NUP50: variants seen among roughly 807,000 people sequenced by gnomAD.
The protein encoded by NUP50 is nuclear pore complex protein Nup50.
A neutral mutation model predicts 36.8 loss-of-function variants in NUP50; 14 were observed. That is an observed-to-expected ratio of 0.38 (90% CI 0.25 to 0.59). NUP50 has a LOEUF of 0.59. Among genes scored for constraint, NUP50 ranks in the 20% least tolerant of loss-of-function variants. The probability of loss-of-function intolerance (pLI) is 0.63; values close to 1 mark genes in which losing one functional copy is unlikely to be tolerated. For synonymous variants in NUP50, 195 were observed against 210.8 expected (o/e 0.93, Z 0.65); for missense variants, 455 against 564.6 (o/e 0.81, Z 1.97).
intron 1 of NUP50, among the ~76,000 whole-genome samples, chr22:45,167,895 C>T (rs545353033): frequency 6.6e-6 from 1 of 152,164 alleles, no homozygotes; most frequent in East Asian, 1.9e-4. Context: ...TTTAATTTTT[C>T]CAAATGGAGT....
intron 2 of NUP50, among the ~76,000 whole-genome samples, chr22:45,170,600 C>G (rs1377110559): frequency 6.6e-6 from 1 of 152,096 alleles, no homozygotes; most frequent in Non-Finnish European, 1.5e-5. Flanking sequence ...TTAGGGAAAC[C>G]AGAATCCCAA....
chr22:45,171,830 T>A (rs559769306), intron 3 of NUP50, 147 bp downstream of exon 3: 148 of 642,280 alleles, frequency 2.3e-4, no homozygotes, highest in Non-Finnish European at 3.3e-4. Flanking sequence ...TAGAAAAAAA[T>A]AAGAAACGTC....
At chr22:45,171,525 C>T in intron 2 of NUP50, 75 bp from the exon 3 acceptor site, 2 of 1,336,568 alleles carry the variant, frequency 1.5e-6, no homozygotes, top group East Asian at 2.3e-5. Context: ...TCAGTTCTAG[C>T]TTGTTGTTGT....
At chr22:45,170,283 ATCTCTTTG>A (rs1030619176) in intron 2 of NUP50, among the ~76,000 whole-genome samples, 53 of 151,548 alleles carry the variant, frequency 3.5e-4, no homozygotes, top group African/African-American at 1.2e-3. Flanking sequence ...TTTTCTCTTT[ATCTCTTTG>A]TCTTGTGTCT....
chr22:45,177,665 A>C (rs1446123862), intron 4 of NUP50: 1 of 153,066 alleles, frequency 6.5e-6, no homozygotes, highest in African/African-American at 2.4e-5. Context: ...ATCACATCTC[A>C]GATAGGCGTC....
At chr22:45,183,327 A>C (rs1359450889) in intron 6 of NUP50, 75 bp from the exon 7 acceptor site, 1 of 824,870 alleles carries the variant, frequency 1.2e-6, no homozygotes, top group Non-Finnish European at 2.1e-6. Flanking sequence ...ACAAGTGTGA[A>C]GAGTGGTTGT....
chr22:45,170,230 C>T (rs898834642), intron 2 of NUP50, among the ~76,000 whole-genome samples: 2 of 151,934 alleles, frequency 1.3e-5, no homozygotes, highest in African/African-American at 2.4e-5. Flanking sequence ...GGGCCACTGC[C>T]GGTCTCCGTG....
In NUP50 at chr22:45,183,643, G is replaced by C. The variant is rs909127690; in HGVS notation, c.1204+123G>C. The stretch of plus-strand genomic sequence containing the variant: ...AGCGCATTCAGGCCAAATTCATCCT[G>C]TATTTACTTATTTATAGTTTTGAGT... On this transcript the variant is annotated intron_variant, in intron 7 of 7. Coordinates refer to ENST00000347635, the MANE Select transcript of NUP50 (RefSeq NM_007172.4). The C allele has an allele frequency of 1.0e-5, 7 of 691,454 alleles. No individual in the cohort carries two copies. In the African/African-American group the frequency reaches 1.1e-4, roughly 11 times the overall value. 42.8% of individuals were successfully genotyped at this position (691,454 alleles called of 1,614,324 possible).
chr22:45,179,793 G>A (rs1169073186), intron 5 of NUP50, among the ~76,000 whole-genome samples: 2 of 152,140 alleles, frequency 1.3e-5, no homozygotes, highest in Non-Finnish European at 2.9e-5. Context: ...GGCTGAGGTG[G>A]GAGTATCTCG....
chr22:45,184,468 A>G lies in NUP50; in HGVS notation c.1220A>G (p.Asn407Ser). 1 of 1,613,966 alleles carries G rather than the reference A, an allele frequency of 6.2e-7. No individual in the cohort carries two copies. Among genetic ancestry groups the G allele is most frequent in the South Asian group, 1.1e-5 (1 of 91,072 alleles). ...ADTNLGNILL[N>S]VLIPPNMPCT... ...TTGAATGCAGGCAACATATTGCTGA[A>G]CGTTCTGATTCCACCCAATATGCCA... Residue 407 changes from asparagine to serine, a missense_variant, in exon 8 of 8, where the codon AAC (asparagine) becomes AGC (serine). Coordinates refer to ENST00000347635, the MANE Select transcript of NUP50 (RefSeq NM_007172.4).
At position 45,186,041 on chromosome 22, in the gene NUP50, C is replaced by G. The variant is rs540477114; in HGVS notation, c.*1386C>G. 7.9e-4 allele frequency: 121 copies of G among 152,324 alleles called. No individual in the cohort carries two copies. The highest frequency in any genetic ancestry group is 2.8e-3 in the African/African-American group (116 of 41,566). 9.4% of individuals were successfully genotyped at this position (152,324 alleles called of 1,614,324 possible). A position where few individuals can be genotyped will look rare whatever the true frequency, so the allele number is the denominator to read the frequency against. On this transcript the variant is annotated 3_prime_UTR_variant, in exon 8 of 8. Transcript: ENST00000347635. ...TACAGTGGCTTTTTAAAACTACAGT[C>G]TTTAGGTGTAAGGTTTGGCGCCGGG...
intron 5 of NUP50, among the ~76,000 whole-genome samples, chr22:45,179,884 A>G (rs1347386728): frequency 2.0e-5 from 3 of 152,184 alleles, no homozygotes; most frequent in Non-Finnish European, 2.9e-5. Flanking sequence ...TGCCTCAACA[A>G]AAGAAAAAGT....
intron 3 of NUP50, among the ~76,000 whole-genome samples, chr22:45,174,634 C>T (rs777936511): frequency 2.6e-5 from 4 of 152,132 alleles, no homozygotes; most frequent in South Asian, 2.1e-4. Context: ...TGTGCAAAAT[C>T]GGAGGCTCTG....
intron 3 of NUP50, among the ~76,000 whole-genome samples, chr22:45,173,419 A>G (rs977282537): frequency 1.4e-5 from 2 of 144,866 alleles, no homozygotes; most frequent in Non-Finnish European, 3.0e-5. Flanking sequence ...TGTTGAGCTG[A>G]GTGATATTTG....
chr22:45,171,804 T>C (rs1004958810), intron 3 of NUP50, 121 bp downstream of exon 3: 3 of 796,112 alleles, frequency 3.8e-6, no homozygotes, highest in Non-Finnish European at 4.2e-6. Context: ...TATTCTTTGA[T>C]GTAGGTCATG....
intron 3 of NUP50, among the ~76,000 whole-genome samples, chr22:45,174,262 C>T (rs1235167857): frequency 6.6e-6 from 1 of 151,900 alleles, no homozygotes; most frequent in Non-Finnish European, 1.5e-5. Flanking sequence ...TCTGCAACCG[C>T]CGCCTCCTGA....
chr22:45,171,475 C>T, intron 2 of NUP50, 125 bp from the exon 3 acceptor site: 1 of 917,546 alleles, frequency 1.1e-6, no homozygotes. Context: ...AGCCATTGTG[C>T]CTGGCCAAAA....
At chr22:45,165,426 C>A (rs867921092) in intron 1 of NUP50, among the ~76,000 whole-genome samples, 3 of 152,182 alleles carry the variant, frequency 2.0e-5, no homozygotes, top group African/African-American at 7.2e-5. Flanking sequence ...TTCATCTAAT[C>A]TATGTCCATC....
At chr22:45,182,723 C>G (rs2074396437) in intron 6 of NUP50, among the ~76,000 whole-genome samples, 1 of 140,772 alleles carries the variant, frequency 7.1e-6, no homozygotes, top group Non-Finnish European at 1.5e-5. Flanking sequence ...CTCCCAGGTT[C>G]ATGCCATTCT....
Sources: gnomAD v4.1 joint callset for allele counts (sites outside exome capture counted in the v4.1 genomes callset) on GRCh38, gnomAD v4.1.1 for gene constraint, MANE v1.5 for transcripts, NCBI Gene and HGNC (gene_info 2026-07-23, HGNC 2026-07-21) for gene names.